TAFA1: variants seen among roughly 807,000 people sequenced by gnomAD.
TAFA1 encodes chemokine-like protein TAFA-1.
A neutral mutation model predicts 18.5 loss-of-function variants in TAFA1; 4 were observed. The ratio of observed to expected loss-of-function variants is 0.22; its 90% CI spans 0.11 to 0.49. The LOEUF (loss-of-function observed/expected upper bound fraction) is 0.49. Ranked by LOEUF, TAFA1 falls within the 20% of genes least tolerant of loss-of-function variation. The pLI is 0.98. For synonymous variants in TAFA1, 56 were observed against 55.2 expected (o/e 1.01, Z -0.06); for missense variants, 147 against 169.0 (o/e 0.87, Z 0.72).
At chr3:68,018,805 T>C (rs1052779275) in intron 2 of TAFA1, among the ~76,000 whole-genome samples, 2 of 152,214 alleles carry the variant, frequency 1.3e-5, no homozygotes, top group Admixed American at 1.3e-4. Context: ...ATGGATTTGT[T>C]TAAGGTCACC....
chr3:68,401,404 T>C (rs546248211), intron 2 of TAFA1, among the ~76,000 whole-genome samples: 96 of 152,148 alleles, frequency 6.3e-4, no homozygotes, highest in Non-Finnish European at 1.3e-3. Context: ...GCAGAAAATC[T>C]CATTCAAACT....
chr3:68,144,319 T>C (rs1450166732), intron 2 of TAFA1, among the ~76,000 whole-genome samples: 4 of 152,300 alleles, frequency 2.6e-5, no homozygotes, highest in Admixed American at 2.0e-4. Context: ...ACATACTATT[T>C]ATCTGATGGT....
intron 2 of TAFA1, among the ~76,000 whole-genome samples, chr3:68,144,761 C>T (rs1051817220): frequency 1.3e-5 from 2 of 152,090 alleles, no homozygotes; most frequent in African/African-American, 4.8e-5. Context: ...CCTAGTTTTT[C>T]TGTAGTAAAA....
chr3:68,003,828 G>A (rs559611322), upstream of TAFA1, among the ~76,000 whole-genome samples: 2 of 152,128 alleles, frequency 1.3e-5, no homozygotes, highest in South Asian at 2.1e-4. Flanking sequence ...ATGCATATAC[G>A]CATCTATGTC....
intron 2 of TAFA1, among the ~76,000 whole-genome samples, chr3:68,138,271 A>G (rs796686764): frequency 6.6e-6 from 1 of 152,336 alleles, no homozygotes; most frequent in African/African-American, 2.4e-5. Context: ...AGGCTGAAGC[A>G]TTTAAGAGCT....
At chr3:68,115,662 GC>G (rs1020007601) in intron 2 of TAFA1, among the ~76,000 whole-genome samples, 66 of 152,108 alleles carry the variant, frequency 4.3e-4, no homozygotes, top group African/African-American at 1.5e-3. Context: ...CGGAGGCGTG[GC>G]CCTGTCTCTC....
intron 2 of TAFA1, among the ~76,000 whole-genome samples, chr3:68,101,349 C>T (rs368763327): frequency 1.8e-4 from 28 of 151,734 alleles, no homozygotes; most frequent in African/African-American, 5.8e-4. Flanking sequence ...ATGTGCACAA[C>T]GTGCAGGCTT....
At chr3:68,180,568 G>A (rs1360019487) in intron 2 of TAFA1, among the ~76,000 whole-genome samples, 1 of 152,198 alleles carries the variant, frequency 6.6e-6, no homozygotes, top group Non-Finnish European at 1.5e-5. Flanking sequence ...AAATGAGCCA[G>A]TTGACAAAAG....
intron 2 of TAFA1, among the ~76,000 whole-genome samples, chr3:68,250,153 G>T (rs1015701548): frequency 1.3e-5 from 2 of 152,138 alleles, no homozygotes; most frequent in Non-Finnish European, 2.9e-5. Flanking sequence ...CCAGGGTGAT[G>T]ATTTTAATCC....
intron 3 of TAFA1, among the ~76,000 whole-genome samples, chr3:68,460,986 A>G (rs1341780900): frequency 6.6e-6 from 1 of 152,178 alleles, no homozygotes; most frequent in African/African-American, 2.4e-5. Context: ...TAAGAGTCCA[A>G]ATAACCTGGC....
chr3:68,114,957 T>G (rs1203416230), intron 2 of TAFA1, among the ~76,000 whole-genome samples: 2 of 152,206 alleles, frequency 1.3e-5, no homozygotes, highest in Non-Finnish European at 2.9e-5. Flanking sequence ...ATTATTCCAA[T>G]TATATAATGC....
intron 2 of TAFA1, among the ~76,000 whole-genome samples, chr3:68,057,190 T>C (rs1219443475): frequency 6.6e-6 from 1 of 152,212 alleles, no homozygotes; most frequent in African/African-American, 2.4e-5. Context: ...TAGAAACTCA[T>C]AGTTTGTAGA....
chr3:68,101,985 T>G (rs1308375733), intron 2 of TAFA1, among the ~76,000 whole-genome samples: 1 of 152,102 alleles, frequency 6.6e-6, no homozygotes, highest in African/African-American at 2.4e-5. Context: ...TTCTTCAAGG[T>G]GCGGTAGGGT....
At chr3:68,324,451 A>T (rs1575777621) in intron 2 of TAFA1, among the ~76,000 whole-genome samples, 1 of 152,188 alleles carries the variant, frequency 6.6e-6, no homozygotes, top group Admixed American at 6.5e-5. Flanking sequence ...ATAAATGTTG[A>T]ATTTCTTGCT....
intron 2 of TAFA1, among the ~76,000 whole-genome samples, chr3:68,043,030 G>C (rs1232311378): frequency 6.6e-6 from 1 of 152,044 alleles, no homozygotes; most frequent in African/African-American, 2.4e-5. Flanking sequence ...GATTACAGGT[G>C]CCCGCCACCA....
At chr3:68,294,525 A>T (rs1307832964) in intron 2 of TAFA1, among the ~76,000 whole-genome samples, 1 of 152,258 alleles carries the variant, frequency 6.6e-6, no homozygotes, top group Non-Finnish European at 1.5e-5. Context: ...CGATTAAGTC[A>T]CATTTAGAGA....
intron 3 of TAFA1, among the ~76,000 whole-genome samples, chr3:68,454,469 C>T (rs1222671563): frequency 6.6e-6 from 1 of 152,140 alleles, no homozygotes. Flanking sequence ...CTATAGTTCT[C>T]CACTGTATCC....
intron 3 of TAFA1, among the ~76,000 whole-genome samples, chr3:68,438,204 A>G (rs2071300003): frequency 6.6e-6 from 1 of 152,076 alleles, no homozygotes; most frequent in African/African-American, 2.4e-5. Flanking sequence ...CTAAAAATAC[A>G]AAAATTCATT....
intron 1 of TAFA1, among the ~76,000 whole-genome samples, chr3:68,005,897 T>C (rs1423944624): frequency 1.3e-5 from 2 of 152,150 alleles, no homozygotes; most frequent in Non-Finnish European, 2.9e-5. Context: ...AAAAGGTACA[T>C]ATTCATCCAT....
Sources: gnomAD v4.1 joint callset for allele counts (sites outside exome capture counted in the v4.1 genomes callset) on GRCh38, gnomAD v4.1.1 for gene constraint, MANE v1.5 for transcripts, NCBI Gene and HGNC (gene_info 2026-07-23, HGNC 2026-07-21) for gene names.